Variants in PRKCZ observed in about 807,000 individuals in gnomAD.
PRKCZ encodes protein kinase C zeta type.
Under a neutral mutation model 79.5 loss-of-function variants are expected in PRKCZ, and 33 were observed. The ratio of observed to expected loss-of-function variants is 0.41; its 90% CI spans 0.31 to 0.55. The LOEUF (loss-of-function observed/expected upper bound fraction) is 0.55. Among genes scored for constraint, PRKCZ ranks in the 20% least tolerant of loss-of-function variants. The probability of loss-of-function intolerance (pLI) is 0.19; values close to 1 mark genes in which losing one functional copy is unlikely to be tolerated. For synonymous variants in PRKCZ, 342 were observed against 320.9 expected (o/e 1.07, Z -0.70); for missense variants, 578 against 813.5 (o/e 0.71, Z 3.52).
chr1:2,139,087 A>G (rs914543854), intron 5 of PRKCZ, among the ~76,000 whole-genome samples: 1 of 152,196 alleles, frequency 6.6e-6, no homozygotes, highest in African/African-American at 2.4e-5. Flanking sequence ...AGCACGTAAA[A>G]CCCAGAAGAG....
At chr1:2,053,266 A>T (rs1309725146) in intron 1 of PRKCZ, among the ~76,000 whole-genome samples, 1 of 151,918 alleles carries the variant, frequency 6.6e-6, no homozygotes, top group Non-Finnish European at 1.5e-5. Context: ...ACGCCCGGTT[A>T]ACTTTTGTAG....
At chr1:2,078,844 CTTTT>C (rs35626021) in intron 4 of PRKCZ, among the ~76,000 whole-genome samples, 1 of 134,034 alleles carries the variant, frequency 7.5e-6, no homozygotes, top group Admixed American at 7.5e-5. Context: ...CTGAAGGTGG[CTTTT>C]TTTTTTTTTT....
intron 4 of PRKCZ, among the ~76,000 whole-genome samples, chr1:2,134,397 A>G (rs759527625): frequency 1.3e-5 from 2 of 152,192 alleles, no homozygotes; most frequent in Non-Finnish European, 2.9e-5. Context: ...ATGGAATTTT[A>G]TAAAAGCACA....
intron 4 of PRKCZ, among the ~76,000 whole-genome samples, chr1:2,108,253 G>A (rs917356934): frequency 2.6e-5 from 4 of 152,202 alleles, no homozygotes; most frequent in East Asian, 1.9e-4. Context: ...GCAGAACCCC[G>A]GCCTCTTCGC....
chr1:2,157,452 C>G (rs1031246214), intron 10 of PRKCZ, among the ~76,000 whole-genome samples: 8 of 151,912 alleles, frequency 5.3e-5, no homozygotes. Context: ...GAGTCTCGCT[C>G]TATCACCCAG....
chr1:2,051,777 C>T (rs1395733788), intron 1 of PRKCZ, among the ~76,000 whole-genome samples: 3 of 152,082 alleles, frequency 2.0e-5, no homozygotes, highest in Non-Finnish European at 4.4e-5. Flanking sequence ...TCCTGCGAAC[C>T]TTGTCTTGGG....
intron 10 of PRKCZ, among the ~76,000 whole-genome samples, chr1:2,157,299 G>T (rs1474340640): frequency 4.6e-5 from 7 of 152,134 alleles, no homozygotes. Context: ...CTACTAGGGC[G>T]TCCCGTGCCC....
chr1:2,076,317 G>T, intron 4 of PRKCZ, among the ~76,000 whole-genome samples: 1 of 152,204 alleles, frequency 6.6e-6, no homozygotes, highest in East Asian at 1.9e-4. Context: ...TGGAACGTGC[G>T]GCCACTGCTC....
chr1:2,053,236 G>T (rs577120737), intron 1 of PRKCZ, among the ~76,000 whole-genome samples: 2 of 152,058 alleles, frequency 1.3e-5, no homozygotes, highest in African/African-American at 4.8e-5. Flanking sequence ...TAGTATCTAG[G>T]ACTACAGACG....
upstream of PRKCZ, chr1:2,049,909 T>G (rs1481393740): frequency 1.3e-5 from 2 of 152,114 alleles, no homozygotes; most frequent in East Asian, 1.9e-4. Flanking sequence ...TTGGATTCGC[T>G]GGGGGCGGAG....
chr1:2,118,830 A>G (rs145163219), intron 4 of PRKCZ, among the ~76,000 whole-genome samples: 1 of 151,218 alleles, frequency 6.6e-6, no homozygotes, highest in Non-Finnish European at 1.5e-5. Context: ...TCTTTTCTGT[A>G]TATTTTGGAA....
chr1:2,058,643 C>T (rs1358304286), intron 3 of PRKCZ, among the ~76,000 whole-genome samples: 1 of 152,088 alleles, frequency 6.6e-6, no homozygotes, highest in Non-Finnish European at 1.5e-5. Context: ...CACTTGTAAT[C>T]CCAGCACTTT....
At chr1:2,159,941 AACT>A (rs1681880124) in intron 10 of PRKCZ, among the ~76,000 whole-genome samples, 1 of 152,174 alleles carries the variant, frequency 6.6e-6, no homozygotes, top group Non-Finnish European at 1.5e-5. Context: ...CGCCCCATTC[AACT>A]GGAGTCGGAG....
At chr1:2,111,112 T>G (rs1335729290) in intron 4 of PRKCZ, among the ~76,000 whole-genome samples, 1 of 151,802 alleles carries the variant, frequency 6.6e-6, no homozygotes, top group African/African-American at 2.4e-5. Flanking sequence ...CCATGGGTAT[T>G]GCGGCAGGGA....
chr1:2,139,412 A>T (rs1676867726), intron 5 of PRKCZ, among the ~76,000 whole-genome samples: 1 of 152,002 alleles, frequency 6.6e-6, no homozygotes, highest in Admixed American at 6.6e-5. Flanking sequence ...AGTTGGTGAA[A>T]CCCCGTGTCT....
chr1:2,076,751 A>AT (rs1193880435), intron 4 of PRKCZ, among the ~76,000 whole-genome samples: 1 of 152,086 alleles, frequency 6.6e-6, no homozygotes, highest in Non-Finnish European at 1.5e-5. Flanking sequence ...TGAAAAAAAA[A>AT]AAAAAAGGAA....
At chr1:2,050,841 C>T (rs997523387) in intron 1 of PRKCZ, 140 bp downstream of exon 1, 8 of 474,488 alleles carry the variant, frequency 1.7e-5, no homozygotes, top group South Asian at 1.1e-4. Flanking sequence ...CGCGGGAGGT[C>T]CTCGGTCCCC....
At chr1:2,079,335 A>G (rs956313135) in intron 4 of PRKCZ, among the ~76,000 whole-genome samples, 2 of 152,170 alleles carry the variant, frequency 1.3e-5, no homozygotes, top group Non-Finnish European at 2.9e-5. Context: ...TGTGGGCACC[A>G]TTGTTTTCTT....
At chr1:2,101,771 C>G (rs1238573067) in intron 4 of PRKCZ, among the ~76,000 whole-genome samples, 1 of 152,200 alleles carries the variant, frequency 6.6e-6, no homozygotes, top group Non-Finnish European at 1.5e-5. Flanking sequence ...ACTGAGTAGA[C>G]ACAGTGCTCC....
Sources: gnomAD v4.1 joint callset for allele counts (sites outside exome capture counted in the v4.1 genomes callset) on GRCh38, gnomAD v4.1.1 for gene constraint, MANE v1.5 for transcripts, NCBI Gene and HGNC (gene_info 2026-07-23, HGNC 2026-07-21) for gene names.